BRCA1: variants seen among roughly 807,000 people sequenced by gnomAD.
BRCA1 encodes the protein breast cancer type 1 susceptibility protein.
Under a neutral mutation model 173.7 loss-of-function variants are expected in BRCA1, and 140 were observed. That is an observed-to-expected ratio of 0.81 (90% CI 0.70 to 0.93). The LOEUF is 0.93. BRCA1 is among the 40% of genes least tolerant of loss of function. The pLI, the probability that BRCA1 is intolerant of heterozygous loss-of-function variation, is 0.00. For missense variants in BRCA1, 1,983 were observed against 2,172.5 expected (o/e 0.91, Z 1.73); for synonymous variants, 662 against 756.0 (o/e 0.88, Z 2.04).
At position 43,104,261 on chromosome 17, in the gene BRCA1, T is replaced by C. The variant is rs587781798; in HGVS notation, c.302A>G (p.Tyr101Cys). ...CAFQLDTGLE[Y>C]ANSYNFAKKE... ...TTTTGCAAAATTATAGCTGTTTGCATCTGTAAAATACAAGGGAAAACATTA... is the reference window on the plus strand; with the variant it reads ...TTTTGCAAAATTATAGCTGTTTGCACCTGTAAAATACAAGGGAAAACATTA... The change falls in exon 6 of 23, where the codon TAT becomes TGT. Residue 101 changes from tyrosine (Y) to cysteine (C), a missense_variant and splice_region_variant. Tyr to Cys is a radical substitution (Grantham distance 194). Coordinates refer to ENST00000357654, the MANE Select transcript of BRCA1 (RefSeq NM_007294.4). 3 of 1,609,098 alleles carry C rather than the reference T, an allele frequency of 1.9e-6. No homozygotes were observed. Among genetic ancestry groups the C allele is most frequent in the Non-Finnish European group, 2.6e-6 (3 of 1,175,984 alleles).
At chr17:43,067,837 T>A (rs201521493) in intron 15 of BRCA1, 142 bp from the exon 16 acceptor site, 6 of 138,486 alleles carry the variant, frequency 4.3e-5, no homozygotes, top group African/African-American at 1.7e-4. Context: ...TTAAAGTGAA[T>A]TTTTTTTTTT....
At position 43,143,432 on chromosome 17, in the gene BRCA1, G is replaced by A. The variant is rs74834824; in HGVS notation, c.-19-19317C>T. ...GCTCACTTTGCTTAGAACCCCCACA[G>A]CACGCACACAGGGCTGCTTCCCAGT... On this transcript the variant is annotated intron_variant, in intron 1 of 7. Coordinates refer to the BRCA1 transcript ENST00000634433. Among the ~76,000 whole-genome samples the A allele has an allele frequency of 5.3e-4, 80 of 152,254 alleles. No homozygotes were observed. In the East Asian group the frequency reaches 0.013, roughly 24 times the overall value.
At chr17:43,079,933 C>T (rs1395829329) in intron 12 of BRCA1, among the ~76,000 whole-genome samples, 1 of 152,156 alleles carries the variant, frequency 6.6e-6, no homozygotes, top group Non-Finnish European at 1.5e-5. Context: ...AAGTTAACAA[C>T]TCAATAGAAC....
At chr17:43,127,979 G>A (rs1229672866), upstream of BRCA1, among the ~76,000 whole-genome samples, 3 of 132,020 alleles carry the variant, frequency 2.3e-5, no homozygotes, top group Non-Finnish European at 4.6e-5. Flanking sequence ...AGCCCAGATT[G>A]CACCACTGCA....
upstream of BRCA1, among the ~76,000 whole-genome samples, chr17:43,128,684 A>G (rs946834385): frequency 3.3e-5 from 5 of 152,166 alleles, no homozygotes; most frequent in African/African-American, 1.2e-4. Flanking sequence ...TTAAAAAATG[A>G]CACTACCCAT....
Position 43,051,105 on chromosome 17 carries a change from G to T in BRCA1, c.5290C>A (p.Leu1764Ile), listed in dbSNP as rs1295469179. 1 of 1,614,016 alleles carries T rather than the reference G, an allele frequency of 6.2e-7. No individual in the cohort carries two copies. The highest frequency in any genetic ancestry group is 8.5e-7 in the Non-Finnish European group (1 of 1,179,914). ...ESQDRKIFRG[L>I]EICCYGPFTN... ...AAGGGCCCATAGCAACAGATTTCTA[G>T]CCCCCTGAAGATCTGGAAGAAGAGA... Residue 1764 changes from leucine to isoleucine, a missense_variant, in exon 20 of 23, where the codon CTA becomes ATA. Coordinates refer to ENST00000357654, the MANE Select transcript of BRCA1 (RefSeq NM_007294.4).
intron 7 of BRCA1, among the ~76,000 whole-genome samples, chr17:43,098,949 C>T (rs2054251608): frequency 6.8e-6 from 1 of 147,916 alleles, no homozygotes; most frequent in Non-Finnish European, 1.5e-5. Context: ...TCCTGAGTAG[C>T]TGGGATTACA....
At chr17:43,098,515 C>T (rs1237927231) in intron 7 of BRCA1, among the ~76,000 whole-genome samples, 1 of 150,772 alleles carries the variant, frequency 6.6e-6, no homozygotes, top group Non-Finnish European at 1.5e-5. Flanking sequence ...TGTGCTACCA[C>T]ACCCAGCTAA....
upstream of BRCA1, among the ~76,000 whole-genome samples, chr17:43,127,977 T>C (rs940012199): frequency 2.1e-5 from 3 of 142,742 alleles, no homozygotes; most frequent in Non-Finnish European, 4.5e-5. Flanking sequence ...TGAGCCCAGA[T>C]TGCACCACTG....
Position 43,092,774 on chromosome 17 carries a change from A to G in BRCA1, c.2757T>C (p.Pro919=), listed in dbSNP as rs755516286. The stretch of plus-strand genomic sequence containing the variant: ...CTGCAGTGATATTAACTGTCTGTAC[A>G]GGCTTGATATTAGACTCATTCTTTC... ...NQGKNESNIK[P]VQTVNITAGF... The change falls in exon 10 of 23, where the codon CCT becomes CCC. Residue 919 remains proline, a synonymous_variant. Coordinates refer to ENST00000357654, the MANE Select transcript of BRCA1 (RefSeq NM_007294.4). The G allele has an allele frequency of 3.1e-6, 5 of 1,613,958 alleles. No individual in the cohort carries two copies. The East Asian group carries it at 8.9e-5, about 29-fold the overall frequency.
intron 8 of BRCA1, 94 bp from the exon 9 acceptor site, chr17:43,096,016 T>TTA: frequency 9.5e-7 from 1 of 1,049,550 alleles, no homozygotes; most frequent in Admixed American, 2.0e-5. Flanking sequence ...GCTCTTTCGA[T>TTA]TACAGAAAGC....
At chr17:43,062,625 G>A (rs2051814155) in intron 18 of BRCA1, among the ~76,000 whole-genome samples, 1 of 151,562 alleles carries the variant, frequency 6.6e-6, no homozygotes. Flanking sequence ...TTAAGACGGA[G>A]TCTCGCTCTG....
chr17:43,127,901 G>A (rs2055927586), upstream of BRCA1, among the ~76,000 whole-genome samples: 1 of 151,874 alleles, frequency 6.6e-6, no homozygotes, highest in Non-Finnish European at 1.5e-5. Context: ...GTGGGTGCCT[G>A]TAATCCCCTC....
intron 14 of BRCA1, among the ~76,000 whole-genome samples, chr17:43,072,950 C>T (rs139469099): frequency 6.6e-6 from 1 of 151,638 alleles, no homozygotes; most frequent in East Asian, 2.0e-4. Flanking sequence ...CTCTTGGCCT[C>T]GAGCAATTCT....
At chr17:43,046,610 C>T (rs1354937888) in intron 22 of BRCA1, among the ~76,000 whole-genome samples, 3 of 151,854 alleles carry the variant, frequency 2.0e-5, no homozygotes, top group African/African-American at 7.3e-5. Context: ...CCATATTGGC[C>T]AGGCTGGTCT....
chr17:43,162,516 TCCTGG>T (rs2056242874), intron 1 of BRCA1: 1 of 152,172 alleles, frequency 6.6e-6, no homozygotes, highest in Non-Finnish European at 1.5e-5. Context: ...GTTGGTCACT[TCCTGG>T]GCTACATACC....
chr17:43,082,308 TA>T, intron 12 of BRCA1, 95 bp downstream of exon 12: 1 of 1,331,768 alleles, frequency 7.5e-7, no homozygotes, highest in Non-Finnish European at 1.0e-6. Context: ...GCAAGGATCA[TA>T]AAATGTTGGA....
At chr17:43,096,146 G>A (rs2054126684) in intron 8 of BRCA1, among the ~76,000 whole-genome samples, 1 of 152,034 alleles carries the variant, frequency 6.6e-6, no homozygotes, top group Admixed American at 6.6e-5. Flanking sequence ...GGAGGCTGAG[G>A]CGGGTGGACC....
chr17:43,141,704 T>C lies in BRCA1; in HGVS notation c.-19-17589A>G, dbSNP rs562289983. On this transcript the variant is annotated intron_variant, in intron 1 of 7. Transcript: ENST00000634433. Reference sequence around the variant, plus strand: ...ACGGGCACCTGTAGTCCCAGCTACTTGGGAGGCTGAGGCAGGAGAATGGCG... The same window carrying C: ...ACGGGCACCTGTAGTCCCAGCTACTCGGGAGGCTGAGGCAGGAGAATGGCG... Among the ~76,000 whole-genome samples the C allele has an allele frequency of 3.3e-5, 5 of 149,934 alleles. No individual in the cohort carries two copies. In the South Asian group the frequency reaches 1.1e-3, roughly 32 times the overall value.
Sources: gnomAD v4.1 joint callset for allele counts (sites outside exome capture counted in the v4.1 genomes callset) on GRCh38, gnomAD v4.1.1 for gene constraint, MANE v1.5 for transcripts, NCBI Gene and HGNC (gene_info 2026-07-23, HGNC 2026-07-21) for gene names.